NOP9: variants seen among roughly 807,000 people sequenced by gnomAD.
The protein encoded by NOP9 is nucleolar protein 9.
NOP9 carries 50 observed loss-of-function variants against 63.0 expected under a neutral mutation model. That is an observed-to-expected ratio of 0.79 (90% confidence interval 0.63 to 1.00). The LOEUF (loss-of-function observed/expected upper bound fraction) is 1.00, where lower values mean the gene tolerates loss of function less well. Ranked by LOEUF, NOP9 falls within the 50% of genes least tolerant of loss-of-function variation. NOP9 has a pLI of 0.00. For synonymous variants in NOP9, 343 were observed against 332.8 expected (o/e 1.03, Z -0.33); for missense variants, 758 against 803.0 (o/e 0.94, Z 0.68).
the NOP9 span, among the ~76,000 whole-genome samples, chr14:24,277,838 G>A: frequency 6.6e-5 from 10 of 152,184 alleles, no homozygotes; most frequent in Middle Eastern, 3.4e-3. Context: ...GTGGGGAAGC[G>A]GGGCCAGCAA....
chr14:24,280,288 G>A, the NOP9 span, among the ~76,000 whole-genome samples: 98 of 152,352 alleles, frequency 6.4e-4, 2 homozygotes, highest in Admixed American at 6.4e-3. Flanking sequence ...GTGAGCACCT[G>A]ATGGGGAGCT....
chr14:24,299,142 A>C (rs756643656), upstream of NOP9: 1 of 1,598,402 alleles, frequency 6.3e-7, no homozygotes, highest in East Asian at 2.2e-5. Flanking sequence ...TGTGGAAGCA[A>C]AGACTTACTC....
upstream of NOP9, among the ~76,000 whole-genome samples, chr14:24,297,226 CTTG>C (rs2041265833): frequency 2.0e-5 from 3 of 152,320 alleles, no homozygotes; most frequent in South Asian, 2.1e-4. Flanking sequence ...CATCCTTTTC[CTTG>C]TTGTGGTCAT....
rs755772323 is a variant in NOP9 at position 24,307,868 on chromosome 14, GA to G, written c.*2774del. On this transcript the variant is annotated 3_prime_UTR_variant, in exon 10 of 10. Transcript: ENST00000267425. The stretch of plus-strand genomic sequence containing the variant: ...CTGAGAGGTACTCCATGGTGGACCG[GA>G]GAGTTCCTTCCCTGGAACTTCTGGG... 5.7e-6 allele frequency: 9 copies of G among 1,585,326 alleles called. No individual in the cohort carries two copies. The highest frequency in any genetic ancestry group is 1.7e-4 in the Middle Eastern group (1 of 6,024).
chr14:24,299,255 G>T, upstream of NOP9: 1 of 921,506 alleles, frequency 1.1e-6, no homozygotes, highest in Non-Finnish European at 1.6e-6. Context: ...ATCCTTTGAG[G>T]GGAGAGGAGT....
In NOP9 at chr14:24,307,213, T is replaced by C; in HGVS notation, c.*2118T>C. The C allele has an allele frequency of 1.4e-6, 1 of 713,232 alleles. No individual in the cohort carries two copies. The highest frequency in any genetic ancestry group is 2.3e-6 in the Non-Finnish European group (1 of 440,156). 44.2% of individuals were successfully genotyped at this position (713,232 alleles called of 1,614,324 possible). A position where few individuals can be genotyped will look rare whatever the true frequency, so the allele number is the denominator to read the frequency against. On this transcript the variant is annotated 3_prime_UTR_variant, in exon 10 of 10. Coordinates refer to ENST00000267425, the MANE Select transcript of NOP9 (RefSeq NM_174913.3). ...GCTCACTCGGTGGAAAATGAACAAA[T>C]TGACCAGAGCTCATTAGGCCCACTC... is the stretch of plus-strand genomic sequence containing the variant.
At chr14:24,303,656 C>T in intron 6 of NOP9, 76 bp from the exon 7 acceptor site, 3 of 1,511,282 alleles carry the variant, frequency 2.0e-6, no homozygotes, top group Non-Finnish European at 2.7e-6. Flanking sequence ...CTTTCCTTTC[C>T]TGAAGGTGTT....
chr14:24,299,287 G>C, upstream of NOP9: 1 of 654,776 alleles, frequency 1.5e-6, no homozygotes, highest in South Asian at 2.1e-5. Context: ...AACTGGGTGC[G>C]GGCCTGAGGA....
At chr14:24,291,841 T>C in the NOP9 span, 1 of 620,030 alleles carries the variant, frequency 1.6e-6, no homozygotes, top group Non-Finnish European at 2.8e-6. Context: ...GGATCTGCTG[T>C]CTTTGCTAAG....
the NOP9 span, among the ~76,000 whole-genome samples, chr14:24,274,906 CTT>C: frequency 3.5e-3 from 289 of 83,686 alleles, no homozygotes; most frequent in African/African-American, 0.011. Context: ...CCATGTCCGG[CTT>C]TTTTTTTTTT....
Position 24,305,792 on chromosome 14 carries a change from A to G in NOP9, c.*697A>G. ...TGAATGGCAGAGACAAGAGGAAATC[A>G]GATGATTTGGAAAACTTGGGAGGAA... On this transcript the variant is annotated 3_prime_UTR_variant, in exon 10 of 10. Coordinates refer to ENST00000267425, the MANE Select transcript of NOP9 (RefSeq NM_174913.3). 6.2e-7 allele frequency: 1 copy of G among 1,608,518 alleles called. No homozygotes were observed. Among genetic ancestry groups the G allele is most frequent in the Non-Finnish European group, 8.5e-7 (1 of 1,177,132 alleles).
At chr14:24,296,985 C>T, upstream of NOP9, 1 of 1,491,372 alleles carries the variant, frequency 6.7e-7, no homozygotes, top group African/African-American at 1.4e-5. Flanking sequence ...ACAATCAATC[C>T]TAGGAGAGCC....
At chr14:24,297,386 C>A (rs1395288444), upstream of NOP9, among the ~76,000 whole-genome samples, 1 of 152,210 alleles carries the variant, frequency 6.6e-6, no homozygotes, top group Non-Finnish European at 1.5e-5. Context: ...TTTCTACTTC[C>A]TGTTCTGTCT....
upstream of NOP9, chr14:24,299,830 AG>A (rs1400123070): frequency 1.5e-5 from 18 of 1,232,148 alleles, no homozygotes; most frequent in Admixed American, 1.2e-4. Context: ...ACTATGACGT[AG>A]TAGCTGCGTC....
chr14:24,282,880 G>A, the NOP9 span, among the ~76,000 whole-genome samples: 192 of 152,306 alleles, frequency 1.3e-3, no homozygotes, highest in African/African-American at 3.6e-3. Context: ...CTTGCTTCAA[G>A]CTGAGCCTGA....
chr14:24,274,210 A>G, the NOP9 span, among the ~76,000 whole-genome samples: 2 of 152,138 alleles, frequency 1.3e-5, no homozygotes, highest in African/African-American at 4.8e-5. Context: ...GGGAACACAG[A>G]TGCCCTCAAG....
chr14:24,303,681 G>T (rs377499360), intron 6 of NOP9, 51 bp from the exon 7 acceptor site: 121 of 1,582,110 alleles, frequency 7.6e-5, no homozygotes, highest in Non-Finnish European at 9.9e-5. Flanking sequence ...TAAAGTTGAG[G>T]TAAGGGACGG....
At chr14:24,282,191 A>G in the NOP9 span, among the ~76,000 whole-genome samples, 1 of 152,176 alleles carries the variant, frequency 6.6e-6, no homozygotes, top group Non-Finnish European at 1.5e-5. Flanking sequence ...TGTCTCAAAA[A>G]CCAAACCAAA....
chr14:24,296,731 A>C (rs1484909990), upstream of NOP9: 2 of 1,614,076 alleles, frequency 1.2e-6, no homozygotes, highest in African/African-American at 2.7e-5. Context: ...CAAAGTTCAA[A>C]GGGTACCTGG....
Sources: gnomAD v4.1 joint callset for allele counts (sites outside exome capture counted in the v4.1 genomes callset) on GRCh38, gnomAD v4.1.1 for gene constraint, MANE v1.5 for transcripts, NCBI Gene and HGNC (gene_info 2026-07-23, HGNC 2026-07-21) for gene names.